CD164L2: variants seen among roughly 807,000 people sequenced by gnomAD.
The protein encoded by CD164L2 is CD164 molecule like 2.
A neutral mutation model predicts 23.9 loss-of-function variants in CD164L2; 21 were observed. The observed-to-expected ratio is 0.88, with a 90% CI of 0.62 to 1.27. The LOEUF is 1.27. CD164L2 is among the 50% of genes most tolerant of loss of function. The probability of loss-of-function intolerance (pLI) is 0.00; values close to 1 mark genes in which losing one functional copy is unlikely to be tolerated. For missense variants in CD164L2, 230 were observed against 224.8 expected (o/e 1.02, Z -0.15); for synonymous variants, 92 against 90.2 (o/e 1.02, Z -0.11).
At position 27,382,575 on chromosome 1, in the gene CD164L2, C is replaced by T. The variant is rs2016357958; in HGVS notation, c.181G>A (p.Glu61Lys). The T allele has an allele frequency of 1.2e-6, 2 of 1,613,530 alleles. No individual in the cohort carries two copies. Among genetic ancestry groups the T allele is most frequent in the Non-Finnish European group, 1.7e-6 (2 of 1,179,928 alleles). Residue 61 changes from glutamate to lysine, a missense_variant, in exon 2 of 6, where the codon GAG (glutamate) becomes AAG (lysine). Physicochemically the swap from Glu to Lys is moderately conservative, Grantham distance 56. Coordinates refer to ENST00000374030, the MANE Select transcript of CD164L2 (RefSeq NM_001330448.1). ...GCTCCGTCTCCCTCCACGCAGTGCTCACAGACCTCCAGCTGTTTGCAGGCC... is the reference window on the plus strand; with the variant it reads ...GCTCCGTCTCCCTCCACGCAGTGCTTACAGACCTCCAGCTGTTTGCAGGCC... ...QGACKQLEVCEHCVEGDGARN... is the reference protein window; with the variant it reads ...QGACKQLEVCKHCVEGDGARN...
At chr1:27,381,164 G>A (rs1046861546) in intron 4 of CD164L2, among the ~76,000 whole-genome samples, 3 of 152,232 alleles carry the variant, frequency 2.0e-5, no homozygotes, top group Non-Finnish European at 2.9e-5. Flanking sequence ...GAAGCTGGGG[G>A]ATGAGGAGCA....
chr1:27,382,794 CT>C (rs1415830840), intron 1 of CD164L2, 127 bp from the exon 2 acceptor site: 2 of 1,047,476 alleles, frequency 1.9e-6, no homozygotes, highest in African/African-American at 1.6e-5. Flanking sequence ...ACACTCACCC[CT>C]GGATCCCCAA....
Position 27,383,254 on chromosome 1 carries a change from G to T in CD164L2, c.-15C>A. 1 of 1,509,686 alleles carries T rather than the reference G, an allele frequency of 6.6e-7. No homozygotes were observed. The highest frequency in any genetic ancestry group is 8.9e-7 in the Non-Finnish European group (1 of 1,119,300). 93.5% of individuals were successfully genotyped at this position (1,509,686 alleles called of 1,614,324 possible). A position where few individuals can be genotyped will look rare whatever the true frequency, so the allele number is the denominator to read the frequency against. Reference sequence around the variant, plus strand: ...GGAGCCTCCATGGGCTCGCGGGGTGGGGGTGGCCGGGGGCGGTGGCCGGGA... The same window carrying T: ...GGAGCCTCCATGGGCTCGCGGGGTGTGGGTGGCCGGGGGCGGTGGCCGGGA... On this transcript the variant is annotated 5_prime_UTR_variant, in exon 1 of 6. Coordinates refer to ENST00000374030, the MANE Select transcript of CD164L2 (RefSeq NM_001330448.1).
In CD164L2 at chr1:27,379,197, T is replaced by C; in HGVS notation, c.*306A>G. On this transcript the variant is annotated 3_prime_UTR_variant, in exon 6 of 6. Coordinates refer to ENST00000374030, the MANE Select transcript of CD164L2 (RefSeq NM_001330448.1). ...GAAGTGCAGTGCAGAGTTCCTTTAT[T>C]TGGGGGCAGTGCCCAGGCCAGTTGG... is the stretch of plus-strand genomic sequence containing the variant. The C allele has an allele frequency of 1.9e-6, 1 of 529,004 alleles. No individual in the cohort carries two copies. The highest frequency in any genetic ancestry group is 3.4e-6 in the Non-Finnish European group (1 of 292,106). The allele number at this position is 529,004 out of a possible 1,614,324, so 32.8% of individuals were successfully genotyped here. A position where few individuals can be genotyped will look rare whatever the true frequency, so the allele number is the denominator to read the frequency against.
At chr1:27,379,755 G>T in intron 5 of CD164L2, 1 of 1,439,320 alleles carries the variant, frequency 6.9e-7, no homozygotes, top group Non-Finnish European at 9.1e-7. Context: ...AGGCTTGCCT[G>T]GGCTGGCACC....
At position 27,383,267 on chromosome 1, in the gene CD164L2, G is replaced by A. The variant is rs1469984073; in HGVS notation, c.-28C>T. On this transcript the variant is annotated 5_prime_UTR_variant, in exon 1 of 6. Coordinates refer to ENST00000374030, the MANE Select transcript of CD164L2 (RefSeq NM_001330448.1). ...GCTCGCGGGGTGGGGGTGGCCGGGGGCGGTGGCCGGGATCGGTGGACAGCT... is the reference window on the plus strand; with the variant it reads ...GCTCGCGGGGTGGGGGTGGCCGGGGACGGTGGCCGGGATCGGTGGACAGCT... 1 of 1,441,854 alleles carries A rather than the reference G, an allele frequency of 6.9e-7. No homozygotes were observed. The highest frequency in any genetic ancestry group is 2.5e-5 in the East Asian group (1 of 40,174). 89.3% of individuals were successfully genotyped at this position (1,441,854 alleles called of 1,614,324 possible).
In CD164L2 at chr1:27,381,864, C is replaced by T. The variant is rs76651420; in HGVS notation, c.329-40G>A. The stretch of plus-strand genomic sequence containing the variant: ...GATCCATAGCAAAGCAGCCTTCCCA[C>T]CCCCTGACTCCCATCAAGACCCCAG... On this transcript the variant is annotated intron_variant, in intron 3 of 5. Coordinates refer to ENST00000374030, the MANE Select transcript of CD164L2 (RefSeq NM_001330448.1). 2.2e-3 allele frequency: 3,546 copies of T among 1,611,612 alleles called. 85 individuals carry two copies. The African/African-American group carries it at 0.042, about 19-fold the overall frequency.
rs772709028 is a variant in CD164L2, at chr1:27,380,110, C to T, written c.459G>A (p.Gln153=). 64 of 1,614,106 alleles carry T rather than the reference C, an allele frequency of 4.0e-5. No individual in the cohort carries two copies. In the South Asian group the frequency reaches 6.7e-4, roughly 17 times the overall value. The change falls in exon 5 of 6, where the codon CAG becomes CAA. Residue 153 remains glutamine, a synonymous_variant. Coordinates refer to ENST00000374030, the MANE Select transcript of CD164L2 (RefSeq NM_001330448.1). Reference sequence around the variant, plus strand: ...AGTGCAGCACAAAGAAAGCCACCGCCTGTAGGCTCAACACCAGCACGACAC... The same window carrying T: ...AGTGCAGCACAAAGAAAGCCACCGCTTGTAGGCTCAACACCAGCACGACAC... The part of the protein sequence containing the change: ...IGGVVLVLSL[Q]AVAFFVLHFL...
Position 27,381,817 on chromosome 1 carries a change from G to T in CD164L2, c.336C>A (p.His112Gln), listed in dbSNP as rs1298172884. ...YNRSEACPAA[H>Q]HHPTYEPKTV... Reference sequence around the variant, plus strand: ...TCTTCGGTTCATAGGTGGGGTGGTGGTGAGCAGCTGAGGAGACAGGTGATC... The same window carrying T: ...TCTTCGGTTCATAGGTGGGGTGGTGTTGAGCAGCTGAGGAGACAGGTGATC... Residue 112 changes from histidine to glutamine, a missense_variant, in exon 4 of 6, where the codon CAC becomes CAA. Transcript: ENST00000374030. The T allele has an allele frequency of 1.9e-6, 3 of 1,613,886 alleles. No individual in the cohort carries two copies. The highest frequency in any genetic ancestry group is 1.1e-5 in the South Asian group (1 of 91,082).
At position 27,380,186 on chromosome 1, in the gene CD164L2, G is replaced by C; in HGVS notation, c.383C>G (p.Pro128Arg). 1 of 1,613,902 alleles carries C rather than the reference G, an allele frequency of 6.2e-7. No individual in the cohort carries two copies. Among genetic ancestry groups the C allele is most frequent in the Non-Finnish European group, 8.5e-7 (1 of 1,179,908 alleles). Reference protein sequence around the residue: ...EPKTVTTGSPPVPEAHSPGFD... With the variant: ...EPKTVTTGSPRVPEAHSPGFD... ...TCCAGGGCTGTGGGCCTCAGGGACTGGGGGGCTCCCTGCAGGGGTGAGGCA... is the reference window on the plus strand; with the variant it reads ...TCCAGGGCTGTGGGCCTCAGGGACTCGGGGGCTCCCTGCAGGGGTGAGGCA... Residue 128 changes from proline (P) to arginine (R), a missense_variant, in exon 5 of 6, where the codon CCA becomes CGA. Coordinates refer to ENST00000374030, the MANE Select transcript of CD164L2 (RefSeq NM_001330448.1).
At chr1:27,379,940 T>C (rs944512251) in intron 5 of CD164L2, 111 bp downstream of exon 5, 2 of 1,541,518 alleles carry the variant, frequency 1.3e-6, no homozygotes, top group Non-Finnish European at 1.7e-6. Context: ...GTCACCGTCC[T>C]GAGGGCTTGC....
chr1:27,381,758 C>G (rs1468336526), intron 4 of CD164L2, 22 bp downstream of exon 4: 1 of 1,613,408 alleles, frequency 6.2e-7, no homozygotes, highest in Admixed American at 1.7e-5. Flanking sequence ...CTCCCACTGC[C>G]CCGTCTCCAG....
chr1:27,382,432 G>A, intron 2 of CD164L2, 33 bp from the exon 3 acceptor site: 2 of 1,588,956 alleles, frequency 1.3e-6, no homozygotes, highest in Non-Finnish European at 8.6e-7. Flanking sequence ...GGAGGTTTGG[G>A]GAGAGGGGCC....
At chr1:27,382,778 G>A in intron 1 of CD164L2, 111 bp from the exon 2 acceptor site, 1 of 1,164,154 alleles carries the variant, frequency 8.6e-7, no homozygotes, top group East Asian at 2.7e-5. Context: ...ACACATCTGG[G>A]CTCTCACACT....
chr1:27,381,768 G>A lies in CD164L2; in HGVS notation c.373+12C>T. ...TGCTCCTCCCACTGCCCCGTCTCCA[G>A]GGAGTACTCACCTGTTGTGACTGTC... On this transcript the variant is annotated intron_variant, in intron 4 of 5. Coordinates refer to ENST00000374030, the MANE Select transcript of CD164L2 (RefSeq NM_001330448.1). 1.9e-6 allele frequency: 3 copies of A among 1,613,788 alleles called. No individual in the cohort carries two copies. Among genetic ancestry groups the A allele is most frequent in the Non-Finnish European group, 2.5e-6 (3 of 1,179,790 alleles).
chr1:27,383,249 G>A lies in CD164L2; in HGVS notation c.-10C>T. On this transcript the variant is annotated 5_prime_UTR_variant, in exon 1 of 6. Transcript: ENST00000374030. ...GTCCCGGAGCCTCCATGGGCTCGCGGGGTGGGGGTGGCCGGGGGCGGTGGC... is the reference window on the plus strand; with the variant it reads ...GTCCCGGAGCCTCCATGGGCTCGCGAGGTGGGGGTGGCCGGGGGCGGTGGC... The A allele has an allele frequency of 6.5e-7, 1 of 1,533,694 alleles. No homozygotes were observed. The highest frequency in any genetic ancestry group is 2.5e-5 in the East Asian group (1 of 40,718).
chr1:27,379,989 G>A (rs557037446), intron 5 of CD164L2, 62 bp downstream of exon 5: 66 of 1,592,174 alleles, frequency 4.1e-5, no homozygotes, highest in South Asian at 1.3e-4. Context: ...GAAGGGGAAC[G>A]GTGGGGCAGG....
intron 5 of CD164L2, 87 bp from the exon 6 acceptor site, chr1:27,379,596 A>G (rs1483217583): frequency 3.2e-6 from 5 of 1,550,028 alleles, no homozygotes; most frequent in African/African-American, 2.7e-5. Context: ...CAGCAGAGGA[A>G]GAGCAAACAC....
In CD164L2 at chr1:27,382,947, C is replaced by A. The variant is rs538316592; in HGVS notation, c.88+205G>T. On this transcript the variant is annotated intron_variant, in intron 1 of 5. Transcript: ENST00000374030. ...GCCACCTCCCCCAGACCACCTGAAG[C>A]TCCCTAGGCCCCCACACCTGGGGCC... is the stretch of plus-strand genomic sequence containing the variant. Among the ~76,000 whole-genome samples the A allele has an allele frequency of 3.5e-4, 53 of 152,212 alleles. 1 individual carries two copies. In the South Asian group the frequency reaches 5.8e-3, roughly 17 times the overall value.
Sources: allele counts gnomAD v4.1 joint callset (sites outside exome capture counted in the v4.1 genomes callset), GRCh38; gene constraint gnomAD v4.1.1; transcripts MANE v1.5; gene names NCBI Gene and HGNC (gene_info 2026-07-23, HGNC 2026-07-21).